The following CAMK1D variants were observed in gnomAD, a reference collection of about 807,000 sequenced individuals.
The protein encoded by CAMK1D is calcium/calmodulin-dependent protein kinase type 1D.
In CAMK1D, 9 loss-of-function variants were observed where a neutral mutation model predicts 47.7. The observed-to-expected ratio is 0.19, with a 90% CI of 0.11 to 0.33. The LOEUF (loss-of-function observed/expected upper bound fraction) is 0.33. Among genes scored for constraint, CAMK1D ranks in the 10% least tolerant of loss-of-function variants. The pLI, the probability that CAMK1D is intolerant of heterozygous loss-of-function variation, is 1.00. For synonymous variants in CAMK1D, 184 were observed against 184.9 expected (o/e 0.99, Z 0.04); for missense variants, 291 against 488.7 (o/e 0.60, Z 3.81).
chr10:12,554,583 A>G lies in CAMK1D; in HGVS notation c.224+1227A>G, dbSNP rs975184789. On this transcript the variant is annotated intron_variant, in intron 2 of 10. Transcript: ENST00000619168. ...CAGGCAGGATCTTGCTCTGTTGCCC[A>G]GTCTGGAGTGCAGTGGCAGTCTTGT... Among the ~76,000 whole-genome samples, 4 of 151,384 alleles carry G rather than the reference A, an allele frequency of 2.6e-5. 1 individual carries two copies. Among genetic ancestry groups the G allele is most frequent in the African/African-American group, 9.7e-5 (4 of 41,290 alleles).
intron 3 of CAMK1D, among the ~76,000 whole-genome samples, chr10:12,709,911 G>A (rs1299541741): frequency 6.6e-6 from 1 of 152,176 alleles, no homozygotes; most frequent in Non-Finnish European, 1.5e-5. Flanking sequence ...GAAGGGAATT[G>A]AAGGACGCAG....
chr10:12,370,238 G>A (rs550811797), intron 1 of CAMK1D, among the ~76,000 whole-genome samples: 6 of 152,188 alleles, frequency 3.9e-5, no homozygotes, highest in African/African-American at 7.2e-5. Flanking sequence ...TGTTTGTGGC[G>A]ATGCTGGGGT....
intron 2 of CAMK1D, among the ~76,000 whole-genome samples, chr10:12,586,176 A>G (rs1208850161): frequency 2.6e-5 from 4 of 152,166 alleles, no homozygotes; most frequent in Non-Finnish European, 5.9e-5. Context: ...TCTTCCAAAC[A>G]TTTTTGGAAA....
At chr10:12,697,989 A>G (rs889319911) in intron 3 of CAMK1D, among the ~76,000 whole-genome samples, 5 of 152,164 alleles carry the variant, frequency 3.3e-5, no homozygotes, top group African/African-American at 1.2e-4. Flanking sequence ...TTTACTTGGC[A>G]GGAATTGTTG....
chr10:12,616,034 G>C (rs997875780), intron 2 of CAMK1D, among the ~76,000 whole-genome samples: 4 of 149,844 alleles, frequency 2.7e-5, no homozygotes, highest in African/African-American at 9.9e-5. Context: ...TGTGTGTGTG[G>C]GTGTGTGAGT....
intron 1 of CAMK1D, among the ~76,000 whole-genome samples, chr10:12,468,818 G>A (rs192925726): frequency 2.0e-5 from 3 of 152,310 alleles, no homozygotes; most frequent in African/African-American, 7.2e-5. Flanking sequence ...CAGAAGGTTT[G>A]AGAAGAATTA....
intron 1 of CAMK1D, among the ~76,000 whole-genome samples, chr10:12,387,542 C>T (rs1416858233): frequency 2.8e-5 from 4 of 141,134 alleles, no homozygotes; most frequent in East Asian, 4.2e-4. Flanking sequence ...GGTCTGGCTC[C>T]GTGGCCCAGG....
At chr10:12,736,297 G>C (rs528659017) in intron 3 of CAMK1D, among the ~76,000 whole-genome samples, 1 of 152,016 alleles carries the variant, frequency 6.6e-6, no homozygotes, top group African/African-American at 2.4e-5. Context: ...CCTTCCCCTC[G>C]GCGTCCCCAA....
intron 3 of CAMK1D, among the ~76,000 whole-genome samples, chr10:12,735,754 G>C (rs1038851155): frequency 2.0e-5 from 3 of 151,124 alleles, no homozygotes; most frequent in African/African-American, 4.9e-5. Flanking sequence ...TCTAATCCCC[G>C]AAGAGTTATG....
At chr10:12,393,568 T>C (rs1040005920) in intron 1 of CAMK1D, among the ~76,000 whole-genome samples, 5 of 152,190 alleles carry the variant, frequency 3.3e-5, no homozygotes, top group Admixed American at 6.5e-5. Flanking sequence ...TTCAGCGAAT[T>C]AAGTGGCTGA....
chr10:12,718,461 A>G (rs766604992), intron 3 of CAMK1D, among the ~76,000 whole-genome samples: 1 of 152,208 alleles, frequency 6.6e-6, no homozygotes, highest in Non-Finnish European at 1.5e-5. Flanking sequence ...TGGGAATCTT[A>G]TGGCTAAAAG....
At chr10:12,368,777 C>G (rs115835532) in intron 1 of CAMK1D, among the ~76,000 whole-genome samples, 1,895 of 151,374 alleles carry the variant, frequency 0.013, 33 homozygotes, top group African/African-American at 0.036. Flanking sequence ...ATAACACATG[C>G]TGCGATTACA....
chr10:12,405,463 A>G (rs1430400074), intron 1 of CAMK1D, among the ~76,000 whole-genome samples: 1 of 152,228 alleles, frequency 6.6e-6, no homozygotes, highest in Non-Finnish European at 1.5e-5. Flanking sequence ...TGAACTAACG[A>G]GAAAACTCCG....
intron 2 of CAMK1D, among the ~76,000 whole-genome samples, chr10:12,588,883 TGCGTGC>T (rs1171586630): frequency 0.046 from 6,221 of 136,216 alleles, 433 homozygotes; most frequent in African/African-American, 0.18. Context: ...TGTGTGTGTG[TGCGTGC>T]GTGTGTGTGT....
At chr10:12,738,380 G>A (rs1286956814) in intron 3 of CAMK1D, among the ~76,000 whole-genome samples, 1 of 152,182 alleles carries the variant, frequency 6.6e-6, no homozygotes, top group Non-Finnish European at 1.5e-5. Flanking sequence ...TGGGAGTGAA[G>A]GACACGTGAG....
chr10:12,498,168 C>T (rs988004959), intron 1 of CAMK1D, among the ~76,000 whole-genome samples: 1 of 152,032 alleles, frequency 6.6e-6, no homozygotes, highest in Non-Finnish European at 1.5e-5. Context: ...TGGGTGGGGA[C>T]ACAGCCAAAC....
At chr10:12,381,597 A>G (rs947862463) in intron 1 of CAMK1D, among the ~76,000 whole-genome samples, 2 of 152,156 alleles carry the variant, frequency 1.3e-5, no homozygotes, top group Non-Finnish European at 2.9e-5. Context: ...AAGTGCTGGG[A>G]TTACAGGTTT....
At chr10:12,648,470 TTTAC>T (rs1245392673) in intron 2 of CAMK1D, among the ~76,000 whole-genome samples, 2 of 152,156 alleles carry the variant, frequency 1.3e-5, no homozygotes, top group Non-Finnish European at 2.9e-5. Context: ...TATTTATTTA[TTTAC>T]TTACTTACTT....
intron 2 of CAMK1D, among the ~76,000 whole-genome samples, chr10:12,650,875 G>C (rs1321909652): frequency 6.6e-6 from 1 of 152,046 alleles, no homozygotes; most frequent in Non-Finnish European, 1.5e-5. Context: ...GATGCATGGG[G>C]AAAAAAACCC....
Sources: gnomAD v4.1 joint callset for allele counts (sites outside exome capture counted in the v4.1 genomes callset) on GRCh38, gnomAD v4.1.1 for gene constraint, MANE v1.5 for transcripts, NCBI Gene and HGNC (gene_info 2026-07-23, HGNC 2026-07-21) for gene names.